Variants in KCNT2 observed in about 807,000 individuals in gnomAD.
The protein encoded by KCNT2 is potassium sodium-activated channel subfamily T member 2, also known as potassium channel subfamily T member 2.
A neutral mutation model predicts 153.8 loss-of-function variants in KCNT2; 67 were observed. That is an observed-to-expected ratio of 0.44 (90% CI 0.36 to 0.53). KCNT2 has a LOEUF of 0.53. Among genes scored for constraint, KCNT2 ranks in the 20% least tolerant of loss-of-function variants. The probability of loss-of-function intolerance (pLI) is 0.00; values close to 1 mark genes in which losing one functional copy is unlikely to be tolerated. For synonymous variants in KCNT2, 500 were observed against 458.8 expected (o/e 1.09, Z -1.15); for missense variants, 975 against 1,354.8 (o/e 0.72, Z 4.40).
At chr1:196,333,773 G>T in intron 17 of KCNT2, 74 bp downstream of exon 17, 2 of 825,408 alleles carry the variant, frequency 2.4e-6, no homozygotes, top group Non-Finnish European at 4.1e-6. Flanking sequence ...CTATTGGGAA[G>T]GTATGTAAAG....
intron 14 of KCNT2, among the ~76,000 whole-genome samples, chr1:196,369,256 T>C (rs1668301222): frequency 6.6e-6 from 1 of 152,176 alleles, no homozygotes; most frequent in Non-Finnish European, 1.5e-5. Flanking sequence ...AGCATTTCCT[T>C]GTGGAAATCA....
At chr1:196,504,434 A>G (rs1209231502) in intron 1 of KCNT2, among the ~76,000 whole-genome samples, 1 of 152,040 alleles carries the variant, frequency 6.6e-6, no homozygotes, top group African/African-American at 2.4e-5. Context: ...TTATGGCTGC[A>G]TAGTATTCCA....
intron 26 of KCNT2, among the ~76,000 whole-genome samples, chr1:196,247,892 T>C (rs113860072): frequency 0.011 from 1,644 of 152,272 alleles, 31 homozygotes; most frequent in African/African-American, 0.035. Context: ...ACAGGCCATA[T>C]GTTAGGCCAC....
intron 18 of KCNT2, among the ~76,000 whole-genome samples, chr1:196,330,024 G>C (rs1328100572): frequency 1.4e-5 from 2 of 138,056 alleles, no homozygotes; most frequent in Non-Finnish European, 3.1e-5. Flanking sequence ...TTGAGGGACA[G>C]AATCTCATTT....
At chr1:196,260,487 C>T (rs186841445) in intron 25 of KCNT2, among the ~76,000 whole-genome samples, 1 of 151,530 alleles carries the variant, frequency 6.6e-6, no homozygotes, top group Non-Finnish European at 1.5e-5. Context: ...TTGAATACCC[C>T]CAAGAGAAAC....
chr1:196,555,757 G>A (rs1319470073), intron 1 of KCNT2, among the ~76,000 whole-genome samples: 1 of 151,396 alleles, frequency 6.6e-6, no homozygotes, highest in Non-Finnish European at 1.5e-5. Flanking sequence ...ATACTGCAAA[G>A]CTGTAGTAAC....
At chr1:196,592,596 A>G (rs1165341108) in intron 1 of KCNT2, among the ~76,000 whole-genome samples, 1 of 147,394 alleles carries the variant, frequency 6.8e-6, no homozygotes, top group Non-Finnish European at 1.5e-5. Flanking sequence ...AGAAAGTTAT[A>G]TATTAATATA....
intron 26 of KCNT2, among the ~76,000 whole-genome samples, chr1:196,244,979 C>A (rs1247334050): frequency 6.6e-6 from 1 of 152,066 alleles, no homozygotes; most frequent in Non-Finnish European, 1.5e-5. Flanking sequence ...TATCCCTTCC[C>A]CAGCTCCAGG....
intron 8 of KCNT2, among the ~76,000 whole-genome samples, chr1:196,460,800 T>C (rs1677079646): frequency 6.6e-6 from 1 of 151,758 alleles, no homozygotes. Context: ...GCAGATTATA[T>C]TGAATATTAC....
chr1:196,258,134 A>G (rs1656677825), intron 26 of KCNT2, 60 bp downstream of exon 26: 1 of 1,556,102 alleles, frequency 6.4e-7, no homozygotes. Flanking sequence ...AACCAACTAT[A>G]TTACTACTAA....
chr1:196,541,833 A>G (rs1241934258), intron 1 of KCNT2, among the ~76,000 whole-genome samples: 1 of 152,096 alleles, frequency 6.6e-6, no homozygotes, highest in Non-Finnish European at 1.5e-5. Flanking sequence ...GATAATGTCC[A>G]ATGCACCATT....
At chr1:196,246,841 G>A (rs1655492622) in intron 26 of KCNT2, among the ~76,000 whole-genome samples, 1 of 151,936 alleles carries the variant, frequency 6.6e-6, no homozygotes, top group African/African-American at 2.4e-5. Context: ...TCTCTAACAG[G>A]AAGATGAGAA....
At chr1:196,264,881 T>C (rs1463665439) in intron 25 of KCNT2, among the ~76,000 whole-genome samples, 1 of 152,158 alleles carries the variant, frequency 6.6e-6, no homozygotes, top group Non-Finnish European at 1.5e-5. Context: ...TCCTCCCATG[T>C]CAACCTCTCA....
chr1:196,243,329 A>G (rs1017265782), intron 26 of KCNT2, among the ~76,000 whole-genome samples: 2 of 152,206 alleles, frequency 1.3e-5, no homozygotes, highest in African/African-American at 4.8e-5. Flanking sequence ...TTCTGCAAGA[A>G]CACCAAATTG....
chr1:196,516,704 T>C (rs1047183523), intron 1 of KCNT2, among the ~76,000 whole-genome samples: 1 of 152,152 alleles, frequency 6.6e-6, no homozygotes, highest in Admixed American at 6.5e-5. Flanking sequence ...GCAGGGTACC[T>C]AGCCACCCCT....
At chr1:196,244,988 G>A (rs1655307514) in intron 26 of KCNT2, among the ~76,000 whole-genome samples, 1 of 152,220 alleles carries the variant, frequency 6.6e-6, no homozygotes, top group Non-Finnish European at 1.5e-5. Flanking sequence ...CCCAGCTCCA[G>A]GCAGGTCAGC....
At chr1:196,374,828 T>C (rs1668819713) in intron 13 of KCNT2, among the ~76,000 whole-genome samples, 1 of 151,794 alleles carries the variant, frequency 6.6e-6, no homozygotes, top group South Asian at 2.1e-4. Context: ...AACCCATAAA[T>C]TTCAAATCAA....
At chr1:196,431,068 C>T (rs1218035519) in intron 8 of KCNT2, among the ~76,000 whole-genome samples, 1 of 152,128 alleles carries the variant, frequency 6.6e-6, no homozygotes, top group Non-Finnish European at 1.5e-5. Context: ...CTTCTGCCTT[C>T]TGCCATGTGA....
chr1:196,513,777 G>T (rs1681831010), intron 1 of KCNT2, among the ~76,000 whole-genome samples: 2 of 152,060 alleles, frequency 1.3e-5, no homozygotes, highest in South Asian at 2.1e-4. Flanking sequence ...GTTTTTTAAT[G>T]ATCTATATCC....
Sources: gnomAD v4.1 joint callset for allele counts (sites outside exome capture counted in the v4.1 genomes callset) on GRCh38, gnomAD v4.1.1 for gene constraint, MANE v1.5 for transcripts, NCBI Gene and HGNC (gene_info 2026-07-23, HGNC 2026-07-21) for gene names.